The following CCDC66 variants were observed in gnomAD, a reference collection of about 807,000 sequenced individuals.
CCDC66 encodes the protein coiled-coil domain-containing protein 66.
A neutral mutation model predicts 128.3 loss-of-function variants in CCDC66; 133 were observed. The observed-to-expected ratio is 1.04, with a 90% confidence interval of 0.90 to 1.20. The LOEUF is 1.20. Ranked by LOEUF, CCDC66 falls within the 50% of genes most tolerant of loss-of-function variation. CCDC66 has a pLI of 0.00. For synonymous variants in CCDC66, 387 were observed against 357.0 expected (o/e 1.08, Z -0.95); for missense variants, 1,126 against 1,075.5 (o/e 1.05, Z -0.66).
At chr3:56,596,052 T>C (rs950624790) in intron 10 of CCDC66, among the ~76,000 whole-genome samples, 2 of 152,126 alleles carry the variant, frequency 1.3e-5, no homozygotes, top group East Asian at 1.9e-4. Context: ...GTAGCTGATA[T>C]TACAAGCATG....
chr3:56,567,208 G>A (rs1051598111), intron 6 of CCDC66, among the ~76,000 whole-genome samples, 155 bp downstream of exon 6: 18 of 152,184 alleles, frequency 1.2e-4, no homozygotes, highest in African/African-American at 4.3e-4. Context: ...TGGCCAACAT[G>A]GTGAAATCCC....
At chr3:56,584,659 G>T (rs2069263645) in intron 7 of CCDC66, among the ~76,000 whole-genome samples, 1 of 151,826 alleles carries the variant, frequency 6.6e-6, no homozygotes, top group Non-Finnish European at 1.5e-5. Context: ...GGGCAGCCAG[G>T]CAGAGACGCT....
intron 14 of CCDC66, chr3:56,617,836 T>A: frequency 1.7e-6 from 1 of 584,072 alleles, no homozygotes; most frequent in Non-Finnish European, 3.0e-6. Flanking sequence ...CACACCAGAC[T>A]AGCAACAGAA....
intron 1 of CCDC66, among the ~76,000 whole-genome samples, chr3:56,558,394 A>G (rs1319784885): frequency 6.6e-6 from 1 of 152,222 alleles, no homozygotes; most frequent in African/African-American, 2.4e-5. Flanking sequence ...CTCTTTGCTC[A>G]AGCAGTTACT....
intron 7 of CCDC66, among the ~76,000 whole-genome samples, chr3:56,582,892 T>C (rs2068687082): frequency 7.0e-6 from 1 of 143,804 alleles, no homozygotes; most frequent in Non-Finnish European, 1.5e-5. Context: ...ATTATTATTA[T>C]TAGATAGGGT....
intron 2 of CCDC66, 106 bp downstream of exon 2, chr3:56,559,016 T>C: frequency 3.7e-6 from 3 of 814,204 alleles, no homozygotes; most frequent in South Asian, 3.6e-5. Context: ...ATTTAAATGA[T>C]ATTTTAGAAA....
Position 56,618,186 on chromosome 3 carries a change from G to A in CCDC66, c.2352G>A (p.Leu784=). 1.2e-6 allele frequency: 2 copies of A among 1,612,770 alleles called. No homozygotes were observed. The highest frequency in any genetic ancestry group is 1.7e-6 in the Non-Finnish European group (2 of 1,178,842). Residue 784 remains leucine, a synonymous_variant, in exon 15 of 18, where the codon CTG becomes CTA. Transcript: ENST00000394672. The stretch of plus-strand genomic sequence containing the variant: ...CCATATTTTAGGAAGAAGAGCCTCT[G>A]AATATTCATTCATTCAGCAAGGAAA... The part of the protein sequence containing the change: ...WHLVKKEEEP[L]NIHSFSKERS...
At chr3:56,619,084 G>A (rs573301960) in intron 15 of CCDC66, 187 bp from the exon 16 acceptor site, 2 of 523,472 alleles carry the variant, frequency 3.8e-6, no homozygotes, top group East Asian at 3.4e-5. Context: ...TGGGCACTGT[G>A]GCGTGCGCCT....
intron 10 of CCDC66, among the ~76,000 whole-genome samples, chr3:56,601,281 G>C (rs1167315748): frequency 6.6e-6 from 1 of 152,052 alleles, no homozygotes; most frequent in Non-Finnish European, 1.5e-5. Flanking sequence ...TCAGATGGTT[G>C]TGGGTGTGTG....
At chr3:56,579,047 T>C (rs574867996) in intron 7 of CCDC66, among the ~76,000 whole-genome samples, 5 of 151,990 alleles carry the variant, frequency 3.3e-5, no homozygotes, top group African/African-American at 9.6e-5. Flanking sequence ...TCCTGGACTT[T>C]TTTTGGTTGG....
chr3:56,618,299 T>C, intron 15 of CCDC66, 87 bp downstream of exon 15: 1 of 1,167,844 alleles, frequency 8.6e-7, no homozygotes, highest in South Asian at 1.2e-5. Context: ...CAGCATCATA[T>C]GGTATATGTA....
At chr3:56,583,210 A>C (rs2068740088) in intron 7 of CCDC66, among the ~76,000 whole-genome samples, 2 of 151,626 alleles carry the variant, frequency 1.3e-5, no homozygotes, top group African/African-American at 4.8e-5. Context: ...TGTGAAATGC[A>C]AAAAAAACAT....
chr3:56,619,755 T>C, intron 16 of CCDC66, 22 bp from the exon 17 acceptor site: 3 of 1,612,394 alleles, frequency 1.9e-6, no homozygotes, highest in Non-Finnish European at 2.5e-6. Flanking sequence ...TTGACTGACT[T>C]GTTACTTTCA....
chr3:56,593,153 T>C (rs1194814529), intron 8 of CCDC66, 52 bp downstream of exon 8: 2 of 1,385,922 alleles, frequency 1.4e-6, no homozygotes, highest in African/African-American at 2.9e-5. Context: ...TCAAAGTCTT[T>C]AATCAATTAA....
rs763592591 is a variant in CCDC66, at chr3:56,619,321, A to AAAAT, written c.2431_2434dup (p.Thr812LysfsTer11). On this transcript the variant is annotated frameshift_variant, in exon 16 of 18. Coordinates refer to ENST00000394672, the MANE Select transcript of CCDC66 (RefSeq NM_001141947.3). LOFTEE classifies it high-confidence loss of function. ...GTGAAAAACAGAACCCAACAAACTC[A>AAAAT]AAATACATTACATTTACCACTAAAA... 3.7e-6 allele frequency: 6 copies of AAAAT among 1,613,660 alleles called. No homozygotes were observed. In the Admixed American group the frequency reaches 1.0e-4, roughly 27 times the overall value.
chr3:56,618,063 T>TA (rs2075744618), intron 14 of CCDC66, 109 bp from the exon 15 acceptor site: 2 of 874,850 alleles, frequency 2.3e-6, no homozygotes. Flanking sequence ...CAGTACCTGT[T>TA]ATTCAAATAT....
Position 56,592,977 on chromosome 3 carries a change from T to TAC in CCDC66, c.945_946dup (p.Leu316HisfsTer10), listed in dbSNP as rs1559697170. The TAC allele has an allele frequency of 1.9e-6, 3 of 1,608,076 alleles. No individual in the cohort carries two copies. Among genetic ancestry groups the TAC allele is most frequent in the Non-Finnish European group, 2.5e-6 (3 of 1,178,544 alleles). ...TTTATGGCTGTTGTTTAGGAAACAG[T>TAC]ACTGCTGGAGCACCCTTTCAGTGCT... On this transcript the variant is annotated frameshift_variant, in exon 8 of 18. Transcript: ENST00000394672. LOFTEE classifies it high-confidence loss of function.
At chr3:56,609,042 A>G (rs1287636523) in intron 10 of CCDC66, among the ~76,000 whole-genome samples, 1 of 152,070 alleles carries the variant, frequency 6.6e-6, no homozygotes, top group Non-Finnish European at 1.5e-5. Context: ...TCTATTTTGG[A>G]GAAAGTTCCA....
At chr3:56,575,681 T>C (rs566233982) in intron 7 of CCDC66, among the ~76,000 whole-genome samples, 71 of 152,022 alleles carry the variant, frequency 4.7e-4, no homozygotes, top group Non-Finnish European at 9.3e-4. Context: ...CATCGGACTG[T>C]ATTTTCTTCT....
Sources: gnomAD v4.1 joint callset for allele counts (sites outside exome capture counted in the v4.1 genomes callset) on GRCh38, gnomAD v4.1.1 for gene constraint, MANE v1.5 for transcripts, NCBI Gene and HGNC (gene_info 2026-07-23, HGNC 2026-07-21) for gene names.